Variants in ME1 observed in about 807,000 individuals in gnomAD.
ME1 encodes the protein malic enzyme 1, also known as NADP-dependent malic enzyme.
ME1 carries 74 observed loss-of-function variants against 66.4 expected under a neutral mutation model. The observed-to-expected ratio is 1.11, with a 90% confidence interval of 0.92 to 1.35. The LOEUF (loss-of-function observed/expected upper bound fraction) is 1.35, where lower values mean the gene tolerates loss of function less well. ME1 is among the 40% of genes most tolerant of loss of function. The pLI, the probability that ME1 is intolerant of heterozygous loss-of-function variation, is 0.00. For missense variants in ME1, 750 were observed against 694.1 expected, an observed-to-expected ratio of 1.08 and a Z score of -0.90; for synonymous variants, 251 against 235.6, an observed-to-expected ratio of 1.07 and a Z score of -0.60.
chr6:83,292,150 G>A (rs1246170060), intron 6 of ME1, among the ~76,000 whole-genome samples: 1 of 152,272 alleles, frequency 6.6e-6, no homozygotes, highest in South Asian at 2.1e-4. Context: ...TCTCCATCCA[G>A]TTTTGTTCCC....
intron 3 of ME1, among the ~76,000 whole-genome samples, chr6:83,373,044 A>G (rs1769222496): frequency 6.6e-6 from 1 of 152,186 alleles, no homozygotes; most frequent in Admixed American, 6.5e-5. Context: ...TAAAAATTTC[A>G]TGTTATTTTC....
intron 9 of ME1, among the ~76,000 whole-genome samples, chr6:83,237,089 A>G (rs1790413665): frequency 6.6e-6 from 1 of 151,024 alleles, no homozygotes; most frequent in Non-Finnish European, 1.5e-5. Flanking sequence ...ACTGCTCAGA[A>G]AGCTAAGGTG....
At chr6:83,361,219 T>A (rs1209612440) in intron 3 of ME1, among the ~76,000 whole-genome samples, 1 of 152,204 alleles carries the variant, frequency 6.6e-6, no homozygotes, top group Non-Finnish European at 1.5e-5. Context: ...TAAAATTCAG[T>A]GATCACCTAC....
intron 6 of ME1, among the ~76,000 whole-genome samples, chr6:83,269,024 G>C (rs1402160705): frequency 6.6e-6 from 1 of 152,024 alleles, no homozygotes; most frequent in Non-Finnish European, 1.5e-5. Flanking sequence ...GAGTAAGCTT[G>C]GTGGTATATT....
rs1255189368 is a variant in ME1, at chr6:83,235,091, A to G, written c.1026+2626T>C. On this transcript the variant is annotated intron_variant, in intron 9 of 13. Coordinates refer to ENST00000369705, the MANE Select transcript of ME1 (RefSeq NM_002395.6). ...TGTATATAGGAAATTTAAGATATCC[A>G]TGGAGACCCTAGATAAACTCCTAAC... Among the ~76,000 whole-genome samples, 5 of 152,144 alleles carry G rather than the reference A, an allele frequency of 3.3e-5. No individual in the cohort carries two copies. In the East Asian group the frequency reaches 9.6e-4, roughly 29 times the overall value.
chr6:83,416,437 C>A (rs1260448865), intron 1 of ME1, among the ~76,000 whole-genome samples: 3 of 152,094 alleles, frequency 2.0e-5, no homozygotes, highest in Admixed American at 6.6e-5. Flanking sequence ...CAATTTAGCC[C>A]CCTATCAGAG....
At chr6:83,288,841 T>G (rs1454229576) in intron 6 of ME1, among the ~76,000 whole-genome samples, 1 of 152,166 alleles carries the variant, frequency 6.6e-6, no homozygotes, top group Non-Finnish European at 1.5e-5. Context: ...TGAGCAGTGG[T>G]TTGTAGTTCT....
At chr6:83,267,712 T>G (rs1767012534) in intron 6 of ME1, among the ~76,000 whole-genome samples, 1 of 152,216 alleles carries the variant, frequency 6.6e-6, no homozygotes, top group South Asian at 2.1e-4. Flanking sequence ...TGCCTTAGAA[T>G]TCCACTCACT....
chr6:83,297,140 T>C (rs1767611987), intron 6 of ME1, among the ~76,000 whole-genome samples: 1 of 152,000 alleles, frequency 6.6e-6, no homozygotes, highest in Admixed American at 6.6e-5. Context: ...TAAAAGTACC[T>C]GCACATAAAA....
intron 3 of ME1, among the ~76,000 whole-genome samples, chr6:83,364,500 T>C (rs1156624650): frequency 6.6e-6 from 1 of 152,212 alleles, no homozygotes; most frequent in Non-Finnish European, 1.5e-5. Flanking sequence ...CAAACTCATC[T>C]TTTACTTACT....
intron 3 of ME1, among the ~76,000 whole-genome samples, chr6:83,398,044 A>G (rs1289403788): frequency 1.3e-5 from 2 of 152,196 alleles, no homozygotes; most frequent in African/African-American, 4.8e-5. Context: ...TCAGTTAAAC[A>G]GGAGGAATGA....
chr6:83,255,342 T>C (rs997386429), intron 6 of ME1, among the ~76,000 whole-genome samples: 2 of 151,994 alleles, frequency 1.3e-5, no homozygotes, highest in African/African-American at 2.4e-5. Flanking sequence ...AAATGGCTTT[T>C]CTAATCTAGT....
At chr6:83,229,227 T>C (rs1259617328) in intron 9 of ME1, 3 of 465,606 alleles carry the variant, frequency 6.4e-6, no homozygotes, top group Non-Finnish European at 1.2e-5. Flanking sequence ...CATTAACAAA[T>C]GGCCATGCAA....
intron 6 of ME1, among the ~76,000 whole-genome samples, chr6:83,303,406 ACTT>A (rs769171383): frequency 5.3e-5 from 8 of 152,182 alleles, no homozygotes; most frequent in Non-Finnish European, 8.8e-5. Context: ...GCAAATAAAA[ACTT>A]CTTGTGAACA....
chr6:83,286,793 T>C (rs1330399309), intron 6 of ME1, among the ~76,000 whole-genome samples: 1 of 152,152 alleles, frequency 6.6e-6, no homozygotes, highest in Non-Finnish European at 1.5e-5. Context: ...AATGTATATT[T>C]ATATTAAAAT....
intron 1 of ME1, among the ~76,000 whole-genome samples, chr6:83,426,950 A>G (rs1770384126): frequency 6.6e-6 from 1 of 152,228 alleles, no homozygotes. Context: ...AATAAAAAAT[A>G]GGCATGATTA....
chr6:83,294,186 G>C (rs1767553896), intron 6 of ME1, among the ~76,000 whole-genome samples: 1 of 152,054 alleles, frequency 6.6e-6, no homozygotes, highest in Non-Finnish European at 1.5e-5. Context: ...AAAAACACTG[G>C]ACAAATATAC....
chr6:83,260,506 T>A (rs1766862756), intron 6 of ME1, among the ~76,000 whole-genome samples: 1 of 152,174 alleles, frequency 6.6e-6, no homozygotes, highest in Non-Finnish European at 1.5e-5. Flanking sequence ...TTGTACAGAT[T>A]ATTTTATCAC....
At chr6:83,357,964 T>TATATATATAC (rs1768930656) in intron 3 of ME1, among the ~76,000 whole-genome samples, 1 of 128,402 alleles carries the variant, frequency 7.8e-6, no homozygotes, top group African/African-American at 2.8e-5. Flanking sequence ...TATATATATA[T>TATATATATAC]ATATATATAT....
Sources: allele counts gnomAD v4.1 joint callset (sites outside exome capture counted in the v4.1 genomes callset), GRCh38; gene constraint gnomAD v4.1.1; transcripts MANE v1.5; gene names NCBI Gene and HGNC (gene_info 2026-07-23, HGNC 2026-07-21).